The following TVP23B variants were observed in gnomAD, a reference collection of about 807,000 sequenced individuals.
TVP23B encodes trans-golgi network vesicle protein 23 homolog B.
In TVP23B, 10 loss-of-function variants were observed where a neutral mutation model predicts 30.6. That is an observed-to-expected ratio of 0.33 (90% CI 0.20 to 0.55). The LOEUF (loss-of-function observed/expected upper bound fraction) is 0.55. TVP23B is among the 20% of genes least tolerant of loss of function. The pLI is 0.91. For missense variants in TVP23B, 153 were observed against 243.2 expected (o/e 0.63, Z 2.47); for synonymous variants, 67 against 83.1 (o/e 0.81, Z 1.06).
intron 5 of TVP23B, among the ~76,000 whole-genome samples, chr17:18,802,056 A>C (rs993632613): frequency 4.6e-5 from 7 of 151,834 alleles, no homozygotes; most frequent in Non-Finnish European, 7.4e-5. Flanking sequence ...CCCTGTCTCT[A>C]CTAAAAATAC....
In TVP23B at chr17:18,791,239, T is replaced by C. The variant is rs142500692; in HGVS notation, c.240+199T>C. On this transcript the variant is annotated intron_variant, in intron 3 of 6. Coordinates refer to ENST00000307767, the MANE Select transcript of TVP23B (RefSeq NM_016078.6). ...ATTTTTTCCCTTTGACAATACAAGA[T>C]GAGACATGCAGGTTACTGTGCTGCT... Among the ~76,000 whole-genome samples the C allele has an allele frequency of 2.1e-3, 258 of 123,100 alleles. 1 individual carries two copies. The highest frequency in any genetic ancestry group is 7.4e-3 in the African/African-American group (240 of 32,254). 80.8% of individuals were successfully genotyped at this position (123,100 alleles called of 152,430 possible).
intron 3 of TVP23B, among the ~76,000 whole-genome samples, chr17:18,794,548 G>A (rs1301001589): frequency 6.6e-6 from 1 of 151,996 alleles, no homozygotes; most frequent in Non-Finnish European, 1.5e-5. Flanking sequence ...ATAGACTAAA[G>A]CCTTTTATTT....
intron 2 of TVP23B, chr17:18,789,727 A>G (rs1320747850): frequency 3.3e-6 from 1 of 306,958 alleles, no homozygotes; most frequent in African/African-American, 2.1e-5. Context: ...TAGTTTCTAT[A>G]GATACATTAC....
chr17:18,791,821 G>A (rs2035998673), intron 3 of TVP23B, among the ~76,000 whole-genome samples: 1 of 151,728 alleles, frequency 6.6e-6, no homozygotes, highest in African/African-American at 2.4e-5. Flanking sequence ...AAATAGATAA[G>A]TAAGCATAAT....
At chr17:18,804,437 G>A (rs1238625990) in intron 6 of TVP23B, 171 bp downstream of exon 6, 5 of 1,269,286 alleles carry the variant, frequency 3.9e-6, no homozygotes, top group African/African-American at 1.6e-5. Flanking sequence ...GTCTGGAAGT[G>A]TATTGTCAGT....
At chr17:18,799,117 A>G (rs571061054) in intron 5 of TVP23B, 174 bp downstream of exon 5, 69 of 549,684 alleles carry the variant, frequency 1.3e-4, no homozygotes, top group Non-Finnish European at 1.7e-4. Context: ...AATACTGGAG[A>G]AGAGATCCTA....
chr17:18,786,972 TTAGATTTC>T (rs1254669169), intron 1 of TVP23B, among the ~76,000 whole-genome samples: 1 of 149,724 alleles, frequency 6.7e-6, no homozygotes, highest in African/African-American at 2.5e-5. Flanking sequence ...CCATTTGCAC[TTAGATTTC>T]TCAGCCCTGA....
At chr17:18,786,169 G>A (rs190184157) in intron 1 of TVP23B, among the ~76,000 whole-genome samples, 1 of 152,176 alleles carries the variant, frequency 6.6e-6, no homozygotes, top group East Asian at 1.9e-4. Context: ...TTGTGATCAC[G>A]TCATCTGACC....
chr17:18,789,451 T>C lies in TVP23B; in HGVS notation c.95+16T>C, dbSNP rs765562180. ...CCAAAATCAGGTAGGAGGAGAGAAGTTGCATGAGCTGTGTTAGTGTCCAGT... is the reference window on the plus strand; with the variant it reads ...CCAAAATCAGGTAGGAGGAGAGAAGCTGCATGAGCTGTGTTAGTGTCCAGT... On this transcript the variant is annotated intron_variant, in intron 2 of 6. Transcript: ENST00000307767. 8.1e-6 allele frequency: 13 copies of C among 1,613,862 alleles called. No homozygotes were observed. In the East Asian group the frequency reaches 8.9e-5, roughly 11 times the overall value.
chr17:18,799,974 T>G (rs1295802293), intron 5 of TVP23B, among the ~76,000 whole-genome samples: 1 of 152,162 alleles, frequency 6.6e-6, no homozygotes, highest in Non-Finnish European at 1.5e-5. Flanking sequence ...GTAGTTACCT[T>G]TAATTACTTT....
intron 5 of TVP23B, among the ~76,000 whole-genome samples, chr17:18,801,113 C>T (rs572028858): frequency 9.2e-5 from 14 of 152,318 alleles, no homozygotes; most frequent in Admixed American, 5.9e-4. Flanking sequence ...TTTAAGTGCT[C>T]AGCTAAGGCT....
intron 1 of TVP23B, 141 bp downstream of exon 1, chr17:18,781,446 G>A: frequency 6.9e-7 from 1 of 1,444,310 alleles, no homozygotes; most frequent in Admixed American, 2.3e-5. Flanking sequence ...AGGGCTGTGG[G>A]TAGTTGTCTG....
rs2036244342 is a variant in TVP23B, at chr17:18,805,891, A to G, written c.*324A>G. 1.8e-6 allele frequency: 2 copies of G among 1,089,016 alleles called. No individual in the cohort carries two copies. The highest frequency in any genetic ancestry group is 1.1e-6 in the Non-Finnish European group (1 of 894,872). 67.5% of individuals were successfully genotyped at this position (1,089,016 alleles called of 1,614,324 possible). A position where few individuals can be genotyped will look rare whatever the true frequency, so the allele number is the denominator to read the frequency against. On this transcript the variant is annotated 3_prime_UTR_variant, in exon 7 of 7. Coordinates refer to ENST00000307767, the MANE Select transcript of TVP23B (RefSeq NM_016078.6). ...ATGAAAGTGTTCATTTACATAGGTA[A>G]TGGAGACCTTTGCATTTTGATCCAT...
intron 6 of TVP23B, 132 bp downstream of exon 6, chr17:18,804,398 G>C: frequency 1.5e-6 from 2 of 1,361,412 alleles, no homozygotes; most frequent in Non-Finnish European, 1.9e-6. Flanking sequence ...TAAAGATGTT[G>C]TAATTGCTCT....
chr17:18,786,534 C>A (rs1246284756), intron 1 of TVP23B, among the ~76,000 whole-genome samples: 27 of 152,070 alleles, frequency 1.8e-4, no homozygotes, highest in Non-Finnish European at 3.2e-4. Flanking sequence ...CAGAAGGCCT[C>A]AGCTTTTTAT....
intron 3 of TVP23B, among the ~76,000 whole-genome samples, chr17:18,791,427 C>T (rs1017862001): frequency 2.0e-5 from 3 of 148,332 alleles, no homozygotes; most frequent in African/African-American, 7.5e-5. Flanking sequence ...TAGATAAGGC[C>T]CCAGTGTAGT....
intron 1 of TVP23B, among the ~76,000 whole-genome samples, chr17:18,784,537 C>T (rs1184425350): frequency 9.9e-5 from 15 of 152,118 alleles, no homozygotes; most frequent in Admixed American, 9.8e-4. Context: ...CTCAGCTACT[C>T]GGGAGGCTGA....
At chr17:18,805,476 A>C in intron 6 of TVP23B, 65 bp from the exon 7 acceptor site, 1 of 1,596,548 alleles carries the variant, frequency 6.3e-7, no homozygotes, top group Non-Finnish European at 8.5e-7. Flanking sequence ...CTAGTCCCCA[A>C]GTCCATGGTG....
chr17:18,791,666 CAACAAAG>C (rs1318534530), intron 3 of TVP23B, among the ~76,000 whole-genome samples: 4 of 151,770 alleles, frequency 2.6e-5, no homozygotes, highest in Non-Finnish European at 4.4e-5. Flanking sequence ...GGCCCCTCTG[CAACAAAG>C]AACTACCTGA....
Sources: gnomAD v4.1 joint callset for allele counts (sites outside exome capture counted in the v4.1 genomes callset) on GRCh38, gnomAD v4.1.1 for gene constraint, MANE v1.5 for transcripts, NCBI Gene and HGNC (gene_info 2026-07-23, HGNC 2026-07-21) for gene names.